The following LHFPL3 variants were observed in gnomAD, a reference collection of about 807,000 sequenced individuals.
LHFPL3 encodes LHFPL tetraspan subfamily member 3, also known as LHFPL tetraspan subfamily member 3 protein.
A neutral mutation model predicts 19.3 loss-of-function variants in LHFPL3; 5 were observed. The ratio of observed to expected loss-of-function variants is 0.26; its 90% CI spans 0.14 to 0.54. The LOEUF is 0.54. Ranked by LOEUF, LHFPL3 falls within the 20% of genes least tolerant of loss-of-function variation. LHFPL3 has a pLI of 0.94. For synonymous variants in LHFPL3, 133 were observed against 126.2 expected (o/e 1.05, Z -0.36); for missense variants, 249 against 307.4 (o/e 0.81, Z 1.42).
At position 104,908,244 on chromosome 7, in the gene LHFPL3, A is replaced by G. The variant is rs141366167; in HGVS notation, c.*2029A>G. 6.6e-6 allele frequency among the ~76,000 whole-genome samples: 1 copy of G among 152,344 alleles called. No homozygotes were observed. The highest frequency in any genetic ancestry group is 1.9e-4 in the East Asian group (1 of 5,188). On this transcript the variant is annotated 3_prime_UTR_variant, in exon 3 of 3. Coordinates refer to ENST00000424859, the MANE Select transcript of LHFPL3 (RefSeq NM_199000.3). Reference sequence around the variant, plus strand: ...TCCTATCCACATGTGAATGTTTTAAAAAAGTTTTTGCCATAAAACCTAAGT... The same window carrying G: ...TCCTATCCACATGTGAATGTTTTAAGAAAGTTTTTGCCATAAAACCTAAGT...
chr7:104,390,090 A>G (rs1791034824), intron 1 of LHFPL3, among the ~76,000 whole-genome samples: 1 of 151,976 alleles, frequency 6.6e-6, no homozygotes, highest in African/African-American at 2.4e-5. Flanking sequence ...ACAGAATGAG[A>G]GAAAATATCA....
intron 1 of LHFPL3, among the ~76,000 whole-genome samples, chr7:104,521,773 A>G (rs1391908044): frequency 2.0e-5 from 3 of 152,208 alleles, no homozygotes; most frequent in Non-Finnish European, 4.4e-5. Flanking sequence ...GTAGCCAAAA[A>G]ACACATGAAA....
At chr7:104,428,963 A>G (rs1791898667) in intron 1 of LHFPL3, among the ~76,000 whole-genome samples, 1 of 152,168 alleles carries the variant, frequency 6.6e-6, no homozygotes, top group Admixed American at 6.5e-5. Flanking sequence ...TCAAAAACAA[A>G]CAAGCAAACC....
chr7:104,500,747 T>G (rs566761610), intron 1 of LHFPL3, among the ~76,000 whole-genome samples: 54 of 152,304 alleles, frequency 3.5e-4, no homozygotes, highest in African/African-American at 9.9e-4. Flanking sequence ...AAGCCTAAAA[T>G]TCTTGAGCAA....
intron 1 of LHFPL3, among the ~76,000 whole-genome samples, chr7:104,563,635 C>G (rs1367308724): frequency 1.3e-5 from 2 of 152,254 alleles, no homozygotes; most frequent in East Asian, 1.9e-4. Flanking sequence ...GCAGAAATCA[C>G]CCGTCTTCTG....
At chr7:104,547,229 C>G (rs1211593792) in intron 1 of LHFPL3, among the ~76,000 whole-genome samples, 1 of 15,960 alleles carries the variant, frequency 6.3e-5, no homozygotes, top group East Asian at 1.6e-3. Context: ...GGCGACAGAG[C>G]GAGACTCCGT....
chr7:104,863,568 T>A (rs996156197), intron 2 of LHFPL3, among the ~76,000 whole-genome samples: 3 of 152,178 alleles, frequency 2.0e-5, no homozygotes, highest in Non-Finnish European at 2.9e-5. Context: ...AAAAGGTAAT[T>A]GACATTTTCC....
intron 1 of LHFPL3, among the ~76,000 whole-genome samples, chr7:104,601,203 G>T (rs993034297): frequency 6.6e-6 from 1 of 152,144 alleles, no homozygotes; most frequent in Non-Finnish European, 1.5e-5. Flanking sequence ...ATCAGAATCT[G>T]CTGGAAGATG....
chr7:104,679,493 A>G (rs142071655), intron 1 of LHFPL3, among the ~76,000 whole-genome samples: 9 of 152,360 alleles, frequency 5.9e-5, no homozygotes, highest in Admixed American at 1.3e-4. Context: ...ATGTGTGCAC[A>G]TACTTTGTAC....
In LHFPL3 at chr7:104,878,023, C is replaced by T. The variant is rs559228517; in HGVS notation, c.683-28164C>T. Among the ~76,000 whole-genome samples the T allele has an allele frequency of 2.6e-5, 4 of 152,132 alleles. 1 individual carries two copies. Among genetic ancestry groups the T allele is most frequent in the African/African-American group, 7.2e-5 (3 of 41,498 alleles). ...TAATTTTTCTGTATTTTAGTAGAGA[C>T]GGGGTTTCACCATGTTGCCCAGGCT... On this transcript the variant is annotated intron_variant, in intron 2 of 2. Coordinates refer to ENST00000424859, the MANE Select transcript of LHFPL3 (RefSeq NM_199000.3).
Position 104,555,140 on chromosome 7 carries a change from C to T in LHFPL3, c.446-181535C>T, listed in dbSNP as rs117447074. Among the ~76,000 whole-genome samples, 1,225 of 152,286 alleles carry T rather than the reference C, an allele frequency of 8.0e-3. 8 individuals carry two copies. The highest frequency in any genetic ancestry group is 0.037 in the Middle Eastern group (11 of 294). ...CCCTCACAGACACACCCAGAAATGA[C>T]GCTTTCCCAGCTATCTAGGTATCCA... On this transcript the variant is annotated intron_variant, in intron 1 of 2. Transcript: ENST00000424859.
intron 1 of LHFPL3, among the ~76,000 whole-genome samples, chr7:104,639,101 AT>A (rs34294836): frequency 1.3e-5 from 2 of 152,030 alleles, no homozygotes. Flanking sequence ...GTTTGCAGGA[AT>A]TTTTTTGAGA....
rs35584345 is a variant in LHFPL3 at position 104,755,582 on chromosome 7, CCACACACA to C, written c.682+18684_682+18691del. On this transcript the variant is annotated intron_variant, in intron 2 of 2. Coordinates refer to ENST00000424859, the MANE Select transcript of LHFPL3 (RefSeq NM_199000.3). ...TTCTCTCCCCCAACCCCCAACACCA[CCACACACA>C]CACACACACACAGAGAGAAACACCC... 2.7e-5 allele frequency among the ~76,000 whole-genome samples: 4 copies of C among 150,594 alleles called. No homozygotes were observed. In the South Asian group the frequency reaches 8.5e-4, roughly 32 times the overall value.
chr7:104,880,956 G>A (rs934959064), intron 2 of LHFPL3, among the ~76,000 whole-genome samples: 14 of 152,050 alleles, frequency 9.2e-5, no homozygotes, highest in South Asian at 2.1e-4. Flanking sequence ...GAATCACGAG[G>A]TCAGGAGATC....
chr7:104,821,082 C>T (rs756823906), intron 2 of LHFPL3, among the ~76,000 whole-genome samples: 25 of 152,098 alleles, frequency 1.6e-4, no homozygotes, highest in Non-Finnish European at 2.8e-4. Context: ...CAAAGCATCA[C>T]GGCAATTAGA....
chr7:104,525,774 T>C (rs556262504), intron 1 of LHFPL3, among the ~76,000 whole-genome samples: 1 of 152,216 alleles, frequency 6.6e-6, no homozygotes, highest in East Asian at 1.9e-4. Flanking sequence ...GCCAGGCTAA[T>C]TTTTGTATTT....
chr7:104,581,173 A>G (rs1301942933), intron 1 of LHFPL3, among the ~76,000 whole-genome samples: 1 of 151,986 alleles, frequency 6.6e-6, no homozygotes, highest in Non-Finnish European at 1.5e-5. Flanking sequence ...GTTGCCCCAC[A>G]TCTTTGCCAA....
intron 1 of LHFPL3, among the ~76,000 whole-genome samples, chr7:104,685,965 G>C (rs1584479932): frequency 6.6e-6 from 1 of 152,246 alleles, no homozygotes; most frequent in East Asian, 1.9e-4. Flanking sequence ...GTATTAGGTA[G>C]AAATACCATT....
chr7:104,398,838 A>G (rs12539856), intron 1 of LHFPL3, among the ~76,000 whole-genome samples: 58,521 of 151,710 alleles, frequency 0.39, 11,686 homozygotes, highest in Admixed American at 0.5. Context: ...ATGTTTTCTG[A>G]TGCCCGCCCC....
Sources: allele counts gnomAD v4.1 joint callset (sites outside exome capture counted in the v4.1 genomes callset), GRCh38; gene constraint gnomAD v4.1.1; transcripts MANE v1.5; gene names NCBI Gene and HGNC (gene_info 2026-07-23, HGNC 2026-07-21).